Variants in GLRA2 observed in about 807,000 individuals in gnomAD.
GLRA2 encodes the protein glycine receptor subunit alpha-2.
A neutral mutation model predicts 31.6 loss-of-function variants in GLRA2; 11 were observed. The ratio of observed to expected loss-of-function variants is 0.35; its 90% CI spans 0.22 to 0.58. The LOEUF (loss-of-function observed/expected upper bound fraction) is 0.58, where lower values mean the gene tolerates loss of function less well. Among genes scored for constraint, GLRA2 ranks in the 20% least tolerant of loss-of-function variants. GLRA2 has a pLI of 0.84. For synonymous variants in GLRA2, 132 were observed against 134.0 expected (o/e 0.99, Z 0.10); for missense variants, 212 against 351.8 (o/e 0.60, Z 3.18).
chrX:14,473,005 G>A, the GLRA2 span, among the ~76,000 whole-genome samples: 1 of 111,158 alleles, frequency 9.0e-6, no homozygotes, highest in African/African-American at 3.3e-5. Context: ...ACAGTGGAGC[G>A]AGGTAAGGAG....
intron 7 of GLRA2, among the ~76,000 whole-genome samples, chrX:14,625,108 T>C (rs76085681): frequency 8.9e-6 from 1 of 111,745 alleles, no homozygotes; most frequent in African/African-American, 3.3e-5. Context: ...GTAATGGCCT[T>C]CTTTGTCTCT....
At chrX:14,704,599 A>G (rs2091593829) in intron 8 of GLRA2, among the ~76,000 whole-genome samples, 1 of 111,746 alleles carries the variant, frequency 8.9e-6, no homozygotes, top group Non-Finnish European at 1.9e-5. Flanking sequence ...ATATGCTTAA[A>G]TGGAGTTATT....
At chrX:14,718,138 A>G in intron 8 of GLRA2, among the ~76,000 whole-genome samples, 2 of 111,311 alleles carry the variant, frequency 1.8e-5, no homozygotes, top group Middle Eastern at 9.3e-3. Flanking sequence ...TAGGGTGGAT[A>G]TAGGAGCCTT....
At chrX:14,510,974 A>T in the GLRA2 span, among the ~76,000 whole-genome samples, 67 of 110,801 alleles carry the variant, frequency 6.0e-4, no homozygotes, top group African/African-American at 2.0e-3. Flanking sequence ...CATGTGCACA[A>T]TGTGCAGGTT....
chrX:14,597,021 T>C (rs2090214116), intron 4 of GLRA2, among the ~76,000 whole-genome samples: 1 of 111,740 alleles, frequency 8.9e-6, no homozygotes, highest in Non-Finnish European at 1.9e-5. Flanking sequence ...GTATTAATGA[T>C]GCACTTTTAA....
At chrX:14,683,177 A>G (rs1436646172) in intron 7 of GLRA2, among the ~76,000 whole-genome samples, 1 of 111,826 alleles carries the variant, frequency 8.9e-6, no homozygotes, top group African/African-American at 3.3e-5. Flanking sequence ...GCAGTGTAAA[A>G]GTGTTCCTAT....
intron 8 of GLRA2, among the ~76,000 whole-genome samples, chrX:14,710,476 A>G (rs752801624): frequency 1.2e-4 from 14 of 112,265 alleles, no homozygotes; most frequent in Non-Finnish European, 2.4e-4. Context: ...ACATGTTACT[A>G]TATCAGGAGT....
chrX:14,641,219 A>T (rs1313402147), intron 7 of GLRA2, among the ~76,000 whole-genome samples: 1 of 111,339 alleles, frequency 9.0e-6, no homozygotes, highest in Non-Finnish European at 1.9e-5. Context: ...TTATTTTCTT[A>T]CCCAAGCACA....
chrX:14,668,727 A>G (rs1419803425), intron 7 of GLRA2, among the ~76,000 whole-genome samples: 3 of 111,858 alleles, frequency 2.7e-5, no homozygotes, highest in Admixed American at 1.9e-4. Context: ...TCATGAGAAT[A>G]GCACGGGAAA....
chrX:14,710,413 C>T (rs1159658326), intron 8 of GLRA2, among the ~76,000 whole-genome samples: 1 of 111,704 alleles, frequency 9.0e-6, no homozygotes, highest in Admixed American at 9.5e-5. Context: ...CTGTGAACAC[C>T]ATGTGTCAGC....
chrX:14,581,434 G>C (rs963961897), intron 4 of GLRA2, 28 bp downstream of exon 4: 4 of 855,828 alleles, frequency 4.7e-6, no homozygotes, highest in African/African-American at 2.0e-5. Context: ...GCACATGTTC[G>C]CATCTCCATT....
At chrX:14,638,721 T>C (rs2090741539) in intron 7 of GLRA2, among the ~76,000 whole-genome samples, 1 of 111,342 alleles carries the variant, frequency 9.0e-6, no homozygotes, top group Non-Finnish European at 1.9e-5. Flanking sequence ...AAATAGAAAG[T>C]ATAATATTTA....
chrX:14,630,418 C>T (rs913568668), intron 7 of GLRA2, among the ~76,000 whole-genome samples: 4 of 111,357 alleles, frequency 3.6e-5, no homozygotes, highest in African/African-American at 1.3e-4. Flanking sequence ...TATGATGTGG[C>T]TCAGTGTAAT....
chrX:14,529,400 G>A (rs192413422), upstream of GLRA2: 1 of 112,590 alleles, frequency 8.9e-6, no homozygotes, highest in Non-Finnish European at 1.9e-5. Flanking sequence ...CTTTGCCTTC[G>A]AACAGCAGGC....
chrX:14,500,020 T>C, the GLRA2 span, among the ~76,000 whole-genome samples: 1 of 112,183 alleles, frequency 8.9e-6, no homozygotes, highest in East Asian at 2.8e-4. Flanking sequence ...TTGTGTGTTG[T>C]CTATTCACTT....
At chrX:14,704,589 A>T (rs1433930792) in intron 8 of GLRA2, among the ~76,000 whole-genome samples, 2 of 111,898 alleles carry the variant, frequency 1.8e-5, no homozygotes, top group African/African-American at 6.5e-5. Context: ...TTTGGGGACA[A>T]TATGCTTAAA....
At chrX:14,543,754 C>G (rs1398647203) in intron 2 of GLRA2, among the ~76,000 whole-genome samples, 2 of 111,559 alleles carry the variant, frequency 1.8e-5, no homozygotes, top group Non-Finnish European at 3.8e-5. Flanking sequence ...CTGAGAGAGA[C>G]TTAATATCCA....
chrX:14,529,545 T>TA lies in GLRA2; in HGVS notation c.-512dup, dbSNP rs1210505397. On this transcript the variant is annotated 5_prime_UTR_variant, in exon 1 of 9. Coordinates refer to ENST00000218075, the MANE Select transcript of GLRA2 (RefSeq NM_002063.4). ...GTAAGATCACGTCTCCGTCTCATTC[T>TA]ATAGCCCTCATTCCAGCACAGGATC... 8.2e-6 allele frequency: 1 copy of TA among 121,729 alleles called. No individual in the cohort carries two copies. The highest frequency in any genetic ancestry group is 3.3e-5 in the African/African-American group (1 of 30,419). 10.0% of individuals were successfully genotyped at this position (121,729 alleles called of 1,213,427 possible). A position where few individuals can be genotyped will look rare whatever the true frequency, so the allele number is the denominator to read the frequency against.
the GLRA2 span, among the ~76,000 whole-genome samples, chrX:14,514,333 C>A: frequency 1.8e-5 from 2 of 109,646 alleles, no homozygotes; most frequent in Non-Finnish European, 3.8e-5. Flanking sequence ...TGCACCAAAT[C>A]TCAGAAATCA....
Sources: gnomAD v4.1 joint callset for allele counts (sites outside exome capture counted in the v4.1 genomes callset) on GRCh38, gnomAD v4.1.1 for gene constraint, MANE v1.5 for transcripts, NCBI Gene and HGNC (gene_info 2026-07-23, HGNC 2026-07-21) for gene names.